GNG10: variants seen among roughly 807,000 people sequenced by gnomAD.
GNG10 encodes guanine nucleotide-binding protein G(I)/G(S)/G(O) subunit gamma-10.
In GNG10, 7 loss-of-function variants were observed where a neutral mutation model predicts 6.8. The ratio of observed to expected loss-of-function variants is 1.02; its 90% confidence interval spans 0.58 to 1.92. GNG10 has a LOEUF of 1.92. Among genes scored for constraint, GNG10 ranks in the 30% most tolerant of loss-of-function variants. The pLI, the probability that GNG10 is intolerant of heterozygous loss-of-function variation, is 0.00. For synonymous variants in GNG10, 28 were observed against 34.8 expected (o/e 0.80, Z 0.69); for missense variants, 57 against 86.1 (o/e 0.66, Z 1.34).
chr9:111,663,024 C>A (rs926452805), intron 1 of GNG10, among the ~76,000 whole-genome samples: 3 of 148,782 alleles, frequency 2.0e-5, no homozygotes, highest in African/African-American at 7.5e-5. Flanking sequence ...GACAGGGCTA[C>A]GGGGGGGTGG....
chr9:111,666,632 G>C (rs959707655), intron 1 of GNG10, among the ~76,000 whole-genome samples, 183 bp from the exon 2 acceptor site: 1 of 152,146 alleles, frequency 6.6e-6, no homozygotes, highest in African/African-American at 2.4e-5. Flanking sequence ...CTAAATTGAC[G>C]TTCATGGAAA....
intron 1 of GNG10, among the ~76,000 whole-genome samples, chr9:111,663,709 G>A (rs1589355348): frequency 1.3e-5 from 2 of 152,232 alleles, no homozygotes; most frequent in East Asian, 3.9e-4. Context: ...ACTGAAATGA[G>A]GGTTGTTGGA....
intron 1 of GNG10, among the ~76,000 whole-genome samples, chr9:111,665,938 G>A (rs1234504069): frequency 3.8e-5 from 5 of 133,308 alleles, no homozygotes; most frequent in African/African-American, 1.5e-4. Context: ...GTTTCACCAT[G>A]TTGGTCAGGC....
At position 111,661,722 on chromosome 9, in the gene GNG10, G is replaced by A. The variant is rs375476283; in HGVS notation, c.81+7G>A. On this transcript the variant is annotated splice_region_variant and intron_variant, in intron 1 of 2. Coordinates refer to ENST00000374293, the MANE Select transcript of GNG10 (RefSeq NM_001017998.4). The surrounding 1 kb of genome is among the most constrained non-coding windows in gnomAD (Gnocchi z 6.1). ...TGGCGTGGAGAGGATCAAGGTGCGG[G>A]CCCCGGGTACCCACGCTCCGGTCCT... 19 of 1,338,364 alleles carry A rather than the reference G, an allele frequency of 1.4e-5. No homozygotes were observed. The highest frequency in any genetic ancestry group is 1.8e-5 in the Non-Finnish European group (18 of 1,022,700). The allele number at this position is 1,338,364 out of a possible 1,614,324, so 82.9% of individuals were successfully genotyped here.
intron 1 of GNG10, among the ~76,000 whole-genome samples, chr9:111,666,058 T>G (rs1830892564): frequency 6.6e-6 from 1 of 151,928 alleles, no homozygotes; most frequent in Non-Finnish European, 1.5e-5. Flanking sequence ...ATTCAAGGGG[T>G]GCGTCAATAG....
At chr9:111,667,255 A>G (rs1457466073) in intron 2 of GNG10, among the ~76,000 whole-genome samples, 1 of 151,770 alleles carries the variant, frequency 6.6e-6, no homozygotes, top group Non-Finnish European at 1.5e-5. Flanking sequence ...TTTTTGAGAC[A>G]GTCTCGCTCT....
rs779533174 is a variant in GNG10, at chr9:111,666,947, G to A, written c.*6+1G>A. 4.3e-6 allele frequency: 7 copies of A among 1,613,976 alleles called. No individual in the cohort carries two copies. The South Asian group carries it at 5.5e-5, about 13-fold the overall frequency. ...ATCCTGTGCTTTACTCTGAAGACTC[G>A]TGAGTAATGATACACCATGATGTCT... On this transcript the variant is annotated splice_donor_variant, in intron 2 of 2. Coordinates refer to ENST00000374293, the MANE Select transcript of GNG10 (RefSeq NM_001017998.4). LOFTEE classifies it low-confidence loss of function (3UTR_SPLICE).
At chr9:111,667,754 G>A (rs1830927600) in intron 2 of GNG10, among the ~76,000 whole-genome samples, 1 of 152,166 alleles carries the variant, frequency 6.6e-6, no homozygotes, top group Admixed American at 6.5e-5. Flanking sequence ...AAGTGTGAGT[G>A]GGGTTAAAAG....
intron 1 of GNG10, among the ~76,000 whole-genome samples, chr9:111,666,238 T>G (rs1339101491): frequency 6.6e-6 from 1 of 152,170 alleles, no homozygotes; most frequent in Non-Finnish European, 1.5e-5. Context: ...ATTTCTCAGA[T>G]GAGGAAGCAG....
chr9:111,664,377 C>T (rs1191284370), intron 1 of GNG10, among the ~76,000 whole-genome samples: 1 of 152,176 alleles, frequency 6.6e-6, no homozygotes, highest in Non-Finnish European at 1.5e-5. Flanking sequence ...GTTGGATGTG[C>T]TTAGCATAGC....
intron 2 of GNG10, among the ~76,000 whole-genome samples, chr9:111,668,103 C>T (rs757662800): frequency 2.6e-5 from 4 of 152,234 alleles, no homozygotes; most frequent in Non-Finnish European, 4.4e-5. Context: ...AAACTCCTGA[C>T]CTCATGATCT....
At position 111,663,977 on chromosome 9, in the gene GNG10, C is replaced by T. The variant is rs376196305; in HGVS notation, c.81+2262C>T. On this transcript the variant is annotated intron_variant, in intron 1 of 2. Transcript: ENST00000374293. ...CTGGGATTACGGGCACCTGCCACCA[C>T]GTCCACTAATTGGCTTTTTTTTTTT... 7.9e-5 allele frequency among the ~76,000 whole-genome samples: 12 copies of T among 151,212 alleles called. No individual in the cohort carries two copies. In the East Asian group the frequency reaches 1.6e-3, roughly 20 times the overall value.
intron 2 of GNG10, among the ~76,000 whole-genome samples, chr9:111,668,337 G>C (rs10124009): frequency 6.6e-5 from 10 of 151,770 alleles, no homozygotes; most frequent in African/African-American, 2.4e-4. Flanking sequence ...AAATCTTATT[G>C]TACTTTTTAA....
chr9:111,669,717 C>A lies in GNG10; in HGVS notation c.*455C>A, dbSNP rs1298020689. The A allele has an allele frequency of 2.1e-5, 2 of 94,550 alleles. No individual in the cohort carries two copies. Among genetic ancestry groups the A allele is most frequent in the Admixed American group, 1.1e-4 (1 of 8,720 alleles). 5.9% of individuals were successfully genotyped at this position (94,550 alleles called of 1,614,324 possible). On this transcript the variant is annotated 3_prime_UTR_variant, in exon 3 of 3. Coordinates refer to ENST00000374293, the MANE Select transcript of GNG10 (RefSeq NM_001017998.4). The stretch of plus-strand genomic sequence containing the variant: ...TTATTTATTCCATAAAAAATTTGTT[C>A]TTTTGTCATGAATTTATAATTCCTA...
rs749624831 is a variant in GNG10 at position 111,661,727 on chromosome 9, G to A, written c.81+12G>A. On this transcript the variant is annotated intron_variant, in intron 1 of 2. Transcript: ENST00000374293. The surrounding 1 kb of genome is among the most constrained non-coding windows in gnomAD (Gnocchi z 6.1). ...TGGAGAGGATCAAGGTGCGGGCCCCGGGTACCCACGCTCCGGTCCTTCCGC... is the reference window on the plus strand; with the variant it reads ...TGGAGAGGATCAAGGTGCGGGCCCCAGGTACCCACGCTCCGGTCCTTCCGC... 23 of 1,325,336 alleles carry A rather than the reference G, an allele frequency of 1.7e-5. No homozygotes were observed. Among genetic ancestry groups the A allele is most frequent in the Non-Finnish European group, 2.2e-5 (22 of 1,014,230 alleles). 82.1% of individuals were successfully genotyped at this position (1,325,336 alleles called of 1,614,324 possible).
intron 1 of GNG10, among the ~76,000 whole-genome samples, chr9:111,662,934 T>G (rs1830845475): frequency 6.6e-6 from 1 of 152,016 alleles, no homozygotes; most frequent in Non-Finnish European, 1.5e-5. Context: ...AAAGCCATGT[T>G]TTAGGGTTGA....
At position 111,661,999 on chromosome 9, in the gene GNG10, G is replaced by T. The variant is rs574715774; in HGVS notation, c.81+284G>T. 6.6e-6 allele frequency among the ~76,000 whole-genome samples: 1 copy of T among 152,068 alleles called. No homozygotes were observed. Among genetic ancestry groups the T allele is most frequent in the African/African-American group, 2.4e-5 (1 of 41,416 alleles). On this transcript the variant is annotated intron_variant, in intron 1 of 2. Coordinates refer to ENST00000374293, the MANE Select transcript of GNG10 (RefSeq NM_001017998.4). This position sits in a 1 kb window ranked among gnomAD's most constrained non-coding sequence, Gnocchi z 6.1. The stretch of plus-strand genomic sequence containing the variant: ...GCGGCCGTGGTCAGTTCCTCGGAGG[G>T]CGCAAGGGATGCCGGCGACGCGCGG...
In GNG10 at chr9:111,661,812, T is replaced by TGGC; in HGVS notation, c.81+105_81+107dup. ...GACCGGGCGCCAGCGGGGGACTCGG[T>TGGC]GGCGGCGGCGAGGCCTCGGCGGGGC... On this transcript the variant is annotated intron_variant, in intron 1 of 2. Coordinates refer to ENST00000374293, the MANE Select transcript of GNG10 (RefSeq NM_001017998.4). This position sits in a 1 kb window ranked among gnomAD's most constrained non-coding sequence, Gnocchi z 6.1. 1.5e-6 allele frequency: 1 copy of TGGC among 654,554 alleles called. No homozygotes were observed. Among genetic ancestry groups the TGGC allele is most frequent in the Non-Finnish European group, 2.1e-6 (1 of 487,278 alleles). The allele number at this position is 654,554 out of a possible 1,614,324, so 40.5% of individuals were successfully genotyped here. A position where few individuals can be genotyped will look rare whatever the true frequency, so the allele number is the denominator to read the frequency against.
At chr9:111,663,729 A>G (rs765198631) in intron 1 of GNG10, among the ~76,000 whole-genome samples, 1 of 152,170 alleles carries the variant, frequency 6.6e-6, no homozygotes, top group Non-Finnish European at 1.5e-5. Context: ...AAATTCACAA[A>G]GACAATGTGG....
Sources: allele counts gnomAD v4.1 joint callset (sites outside exome capture counted in the v4.1 genomes callset), GRCh38; gene constraint gnomAD v4.1.1; non-coding constraint Gnocchi (gnomAD v3.1); transcripts MANE v1.5; gene names NCBI Gene and HGNC (gene_info 2026-07-23, HGNC 2026-07-21).